The following PHF20L1 variants were observed in gnomAD, a reference collection of about 807,000 sequenced individuals.
PHF20L1 encodes the protein PHD finger protein 20 like 1.
In PHF20L1, 44 loss-of-function variants were observed where a neutral mutation model predicts 125.5. The observed-to-expected ratio is 0.35, with a 90% CI of 0.28 to 0.45. The LOEUF (loss-of-function observed/expected upper bound fraction) is 0.45, where lower values mean the gene tolerates loss of function less well. PHF20L1 is among the 20% of genes least tolerant of loss of function. The pLI is 1.00. For synonymous variants in PHF20L1, 380 were observed against 403.1 expected, an observed-to-expected ratio of 0.94 and a Z score of 0.69; for missense variants, 1,012 against 1,217.2, an observed-to-expected ratio of 0.83 and a Z score of 2.51.
chr8:132,817,056 A>T lies in PHF20L1; in HGVS notation c.1352A>T (p.Gln451Leu). ...TTCTCCATCAGTTCTCAAAATCAGC[A>T]AGAATCTTCAGTACCAGAGGGTAAT... ...KVFSISSQNQ[Q>L]ESSVPEVPDV... The change falls in exon 11 of 21, where the codon CAA becomes CTA. Residue 451 changes from glutamine (Q) to leucine (L), a missense_variant. By Grantham distance (113) the Gln-to-Leu change is moderately radical. This residue lies in a region of PHF20L1 where 320 missense variants were observed against 293.8 expected (regional missense o/e 1.09). Transcript: ENST00000395386. 6.3e-7 allele frequency: 1 copy of T among 1,584,642 alleles called. No individual in the cohort carries two copies. Among genetic ancestry groups the T allele is most frequent in the East Asian group, 2.2e-5 (1 of 44,626 alleles).
chr8:132,803,946 C>G lies in PHF20L1; in HGVS notation c.635C>G (p.Pro212Arg), dbSNP rs1417110908. ...GATGAGAGAAAGTGGTTTAAAGTACCTTCAAAGAAGGAGGAAACTTCAACT... is the reference window on the plus strand; with the variant it reads ...GATGAGAGAAAGTGGTTTAAAGTACGTTCAAAGAAGGAGGAAACTTCAACT... ...DKDERKWFKV[P>R]SKKEETSTCI... is the part of the protein sequence containing the mutation. Residue 212 changes from proline (P) to arginine (R), a missense_variant, in exon 7 of 21, where the codon CCT (proline) becomes CGT (arginine). Coordinates refer to ENST00000395386, the MANE Select transcript of PHF20L1 (RefSeq NM_016018.5). 3 of 1,611,828 alleles carry G rather than the reference C, an allele frequency of 1.9e-6. No individual in the cohort carries two copies. Among genetic ancestry groups the G allele is most frequent in the Non-Finnish European group, 2.5e-6 (3 of 1,178,510 alleles).
chr8:132,778,454 A>G (rs1178609066), intron 2 of PHF20L1, among the ~76,000 whole-genome samples: 1 of 152,200 alleles, frequency 6.6e-6, no homozygotes, highest in African/African-American at 2.4e-5. Context: ...CCTTAACCTA[A>G]AGGCAGGTTG....
At chr8:132,807,577 T>C (rs1389561274) in intron 8 of PHF20L1, 5 of 366,822 alleles carry the variant, frequency 1.4e-5, no homozygotes, top group African/African-American at 1.1e-4. Flanking sequence ...ATCAAGAATA[T>C]TTGATTCTTA....
chr8:132,795,494 A>AG (rs1347383488), intron 4 of PHF20L1, among the ~76,000 whole-genome samples: 1 of 152,150 alleles, frequency 6.6e-6, no homozygotes, highest in African/African-American at 2.4e-5. Context: ...TATGCTCATT[A>AG]ATTTGGAAAG....
At chr8:132,804,768 G>T in intron 8 of PHF20L1, 28 bp downstream of exon 8, 1 of 1,559,328 alleles carries the variant, frequency 6.4e-7, no homozygotes, top group Non-Finnish European at 8.7e-7. Context: ...TTTTTTTGAG[G>T]GGGGGAAATG....
At chr8:132,845,180 A>G (rs1363991464) in intron 20 of PHF20L1, among the ~76,000 whole-genome samples, 1 of 152,118 alleles carries the variant, frequency 6.6e-6, no homozygotes, top group Non-Finnish European at 1.5e-5. Context: ...GTAGATTTCC[A>G]AAGGAAACAT....
At chr8:132,844,495 CA>C (rs1199969784) in intron 20 of PHF20L1, among the ~76,000 whole-genome samples, 177 bp downstream of exon 20, 1 of 152,038 alleles carries the variant, frequency 6.6e-6, no homozygotes, top group East Asian at 1.9e-4. Flanking sequence ...ACGCTTAAAA[CA>C]ATGTGACCGG....
chr8:132,791,254 C>CTTTTT (rs1184118420), intron 2 of PHF20L1, among the ~76,000 whole-genome samples: 3 of 117,128 alleles, frequency 2.6e-5, no homozygotes, highest in Non-Finnish European at 1.7e-5. Flanking sequence ...GAGTTATTTC[C>CTTTTT]TTTTTTTTTT....
intron 6 of PHF20L1, among the ~76,000 whole-genome samples, chr8:132,800,981 T>C (rs1442483017): frequency 6.6e-6 from 1 of 151,582 alleles, no homozygotes; most frequent in East Asian, 1.9e-4. Flanking sequence ...TAATTTTGTG[T>C]GGAATGGTAG....
chr8:132,817,419 G>A lies in PHF20L1; in HGVS notation c.1453G>A (p.Ala485Thr). ...LDLSRGSEVTAPVASDSSYRN... is the reference protein window; with the variant it reads ...LDLSRGSEVTTPVASDSSYRN... Reference sequence around the variant, plus strand: ...CTTAAGTCGTGGTTCAGAAGTTACAGCACCGGTAGCCTCAGATTCCTCTTA... The same window carrying A: ...CTTAAGTCGTGGTTCAGAAGTTACAACACCGGTAGCCTCAGATTCCTCTTA... The change falls in exon 12 of 21, where the codon GCA becomes ACA. Residue 485 changes from alanine to threonine, a missense_variant. Ala to Thr is a moderately conservative substitution (Grantham distance 58). Around this residue, in one of 7 missense-constraint regions of PHF20L1, gnomAD observed 320 missense variants for 293.8 expected, o/e 1.09. Transcript: ENST00000395386. The A allele has an allele frequency of 6.2e-7, 1 of 1,612,702 alleles. No homozygotes were observed. The highest frequency in any genetic ancestry group is 8.5e-7 in the Non-Finnish European group (1 of 1,179,158).
chr8:132,801,650 G>C (rs937690599), intron 6 of PHF20L1, among the ~76,000 whole-genome samples: 3 of 151,630 alleles, frequency 2.0e-5, no homozygotes, highest in Non-Finnish European at 3.0e-5. Context: ...TTATATTTGA[G>C]TGATGGACAC....
intron 17 of PHF20L1, 27 bp downstream of exon 17, chr8:132,837,838 G>A: frequency 6.7e-7 from 1 of 1,489,680 alleles, no homozygotes; most frequent in East Asian, 2.3e-5. Flanking sequence ...CGTGCTGATT[G>A]CCAGGATGCC....
chr8:132,845,501 A>G (rs1302365291), intron 20 of PHF20L1, among the ~76,000 whole-genome samples: 1 of 152,024 alleles, frequency 6.6e-6, no homozygotes, highest in African/African-American at 2.4e-5. Context: ...GTGTGTGTGT[A>G]TATGTATTTT....
rs1030875961 is a variant in PHF20L1 at position 132,847,021 on chromosome 8, A to C, written c.*1098A>C. 6.6e-6 allele frequency: 1 copy of C among 152,492 alleles called. No individual in the cohort carries two copies. Among genetic ancestry groups the C allele is most frequent in the Non-Finnish European group, 1.5e-5 (1 of 67,972 alleles). The allele number at this position is 152,492 out of a possible 1,614,324, so 9.4% of individuals were successfully genotyped here. ...TTTTAGCTTTGATCACAAGTGGACA[A>C]ATTTCTGAAACCAAAGGCAACTAAG... On this transcript the variant is annotated 3_prime_UTR_variant, in exon 21 of 21. Transcript: ENST00000395386.
chr8:132,828,314 T>G (rs955248684), intron 14 of PHF20L1, among the ~76,000 whole-genome samples: 2 of 152,142 alleles, frequency 1.3e-5, no homozygotes, highest in African/African-American at 4.8e-5. Context: ...TATCTACATT[T>G]TACCAACAGT....
chr8:132,834,449 T>G (rs193028665), intron 15 of PHF20L1, among the ~76,000 whole-genome samples: 2,738 of 152,202 alleles, frequency 0.018, 78 homozygotes, highest in African/African-American at 0.062. Flanking sequence ...TCCTCTTGCC[T>G]CAGCCTCCTG....
At chr8:132,781,415 A>C (rs1386220121) in intron 2 of PHF20L1, among the ~76,000 whole-genome samples, 1 of 151,638 alleles carries the variant, frequency 6.6e-6, no homozygotes, top group Non-Finnish European at 1.5e-5. Context: ...ATTTTATCTT[A>C]TTTTATTTAT....
At chr8:132,835,619 T>G (rs778113123) in intron 15 of PHF20L1, among the ~76,000 whole-genome samples, 3 of 152,140 alleles carry the variant, frequency 2.0e-5, no homozygotes, top group African/African-American at 7.2e-5. Flanking sequence ...CCATATAGTC[T>G]TGTTTCTAGG....
chr8:132,789,295 T>C (rs1410685372), intron 2 of PHF20L1, among the ~76,000 whole-genome samples: 1 of 152,078 alleles, frequency 6.6e-6, no homozygotes, highest in African/African-American at 2.4e-5. Context: ...GTCATAGTGT[T>C]AAAATGACAA....
Sources: gnomAD v4.1 joint callset for allele counts (sites outside exome capture counted in the v4.1 genomes callset) on GRCh38, gnomAD v4.1.1 for gene constraint, gnomAD v4.1.1 regional missense constraint, MANE v1.5 for transcripts, NCBI Gene and HGNC (gene_info 2026-07-23, HGNC 2026-07-21) for gene names.